ACBD6: variants seen among roughly 807,000 people sequenced by gnomAD.
ACBD6 encodes acyl-CoA binding domain containing 6.
A neutral mutation model predicts 37.2 loss-of-function variants in ACBD6; 28 were observed. The observed-to-expected ratio is 0.75, with a 90% CI of 0.56 to 1.03. The LOEUF is 1.03. Among genes scored for constraint, ACBD6 ranks in the 50% least tolerant of loss-of-function variants. The probability of loss-of-function intolerance (pLI) is 0.00; values close to 1 mark genes in which losing one functional copy is unlikely to be tolerated. For missense variants in ACBD6, 340 were observed against 337.4 expected (o/e 1.01, Z -0.06); for synonymous variants, 113 against 126.8 (o/e 0.89, Z 0.73).
chr1:180,443,305 T>G (rs1038545913), intron 3 of ACBD6, among the ~76,000 whole-genome samples: 2 of 152,168 alleles, frequency 1.3e-5, no homozygotes, highest in Non-Finnish European at 2.9e-5. Context: ...TCCTGACTGG[T>G]AGGAAACAAA....
At chr1:180,359,361 G>GC (rs1025248529) in intron 6 of ACBD6, among the ~76,000 whole-genome samples, 1 of 151,206 alleles carries the variant, frequency 6.6e-6, no homozygotes, top group Non-Finnish European at 1.5e-5. Flanking sequence ...ATTTTTTTTG[G>GC]CCCCCCTCTA....
intron 6 of ACBD6, among the ~76,000 whole-genome samples, chr1:180,321,100 T>C (rs1558248640): frequency 6.6e-6 from 1 of 152,204 alleles, no homozygotes; most frequent in Non-Finnish European, 1.5e-5. Context: ...GGGTTCACTA[T>C]AGGTGTATAG....
chr1:180,293,100 G>A (rs1571324303), intron 7 of ACBD6, among the ~76,000 whole-genome samples: 1 of 151,980 alleles, frequency 6.6e-6, no homozygotes, highest in African/African-American at 2.4e-5. Context: ...TAACCTTTTT[G>A]TATTTACTAG....
chr1:180,488,147 G>T (rs1268701540), intron 3 of ACBD6, among the ~76,000 whole-genome samples: 1 of 151,968 alleles, frequency 6.6e-6, no homozygotes, highest in African/African-American at 2.4e-5. Context: ...TATGTGTAAA[G>T]AAAGAGAATG....
At chr1:180,361,572 G>A (rs1387864439) in intron 6 of ACBD6, among the ~76,000 whole-genome samples, 4 of 151,202 alleles carry the variant, frequency 2.6e-5, no homozygotes, top group South Asian at 2.1e-4. Flanking sequence ...AATTTCTTAC[G>A]GGATTTGGTC....
At chr1:180,396,270 C>A (rs936726629) in intron 6 of ACBD6, among the ~76,000 whole-genome samples, 4 of 152,068 alleles carry the variant, frequency 2.6e-5, no homozygotes, top group Non-Finnish European at 5.9e-5. Context: ...CATAACTATA[C>A]ACTTAAAATT....
intron 6 of ACBD6, among the ~76,000 whole-genome samples, chr1:180,360,896 C>T (rs1652821436): frequency 6.6e-6 from 1 of 152,046 alleles, no homozygotes; most frequent in Admixed American, 6.6e-5. Flanking sequence ...TTTCCATCAA[C>T]GGATGTGTTG....
chr1:180,494,231 T>A (rs1328881828), intron 2 of ACBD6, among the ~76,000 whole-genome samples: 1 of 152,216 alleles, frequency 6.6e-6, no homozygotes, highest in Non-Finnish European at 1.5e-5. Flanking sequence ...TTCGTTGATG[T>A]TCTTGCATAA....
At chr1:180,383,339 C>T (rs765751163) in intron 6 of ACBD6, among the ~76,000 whole-genome samples, 1 of 152,058 alleles carries the variant, frequency 6.6e-6, no homozygotes, top group Non-Finnish European at 1.5e-5. Context: ...CAAATTCAGT[C>T]GAGTTGAATA....
At chr1:180,474,357 C>T (rs1490637213) in intron 3 of ACBD6, among the ~76,000 whole-genome samples, 2 of 151,974 alleles carry the variant, frequency 1.3e-5, no homozygotes, top group African/African-American at 4.8e-5. Flanking sequence ...AAAGGGTATG[C>T]AGCCCTAGAA....
At chr1:180,321,275 G>C (rs1370218388) in intron 6 of ACBD6, among the ~76,000 whole-genome samples, 1 of 152,090 alleles carries the variant, frequency 6.6e-6, no homozygotes, top group Admixed American at 6.5e-5. Flanking sequence ...GCTATACTGG[G>C]TCTTTTGTAG....
intron 3 of ACBD6, among the ~76,000 whole-genome samples, chr1:180,436,464 T>C (rs1286261328): frequency 1.3e-5 from 2 of 152,200 alleles, no homozygotes; most frequent in African/African-American, 2.4e-5. Flanking sequence ...CACGATTCTT[T>C]TGTGCCATTT....
At chr1:180,459,789 G>A (rs1358633631) in intron 3 of ACBD6, among the ~76,000 whole-genome samples, 3 of 152,030 alleles carry the variant, frequency 2.0e-5, no homozygotes, top group Non-Finnish European at 4.4e-5. Context: ...TACACATCCA[G>A]ATATATACTC....
intron 6 of ACBD6, among the ~76,000 whole-genome samples, chr1:180,335,225 T>C (rs1651653743): frequency 6.6e-6 from 1 of 151,886 alleles, no homozygotes; most frequent in Admixed American, 6.6e-5. Context: ...TCACCAAAGT[T>C]GAAATGAAGG....
chr1:180,316,580 T>C (rs532646742), intron 6 of ACBD6, among the ~76,000 whole-genome samples: 13 of 152,192 alleles, frequency 8.5e-5, no homozygotes, highest in Non-Finnish European at 1.8e-4. Context: ...TGTTCATATA[T>C]ACTTAAAGTT....
At chr1:180,326,655 C>G (rs1260769506) in intron 6 of ACBD6, 1 of 152,286 alleles carries the variant, frequency 6.6e-6, no homozygotes, top group Non-Finnish European at 1.5e-5. Context: ...TGGGAATGTG[C>G]TGGGTCTCAC....
chr1:180,478,149 C>T (rs193171373), intron 3 of ACBD6, among the ~76,000 whole-genome samples: 4 of 151,994 alleles, frequency 2.6e-5, no homozygotes, highest in Admixed American at 6.5e-5. Flanking sequence ...CCCAAAAGTA[C>T]ATCATTTTGG....
Position 180,318,163 on chromosome 1 carries a change from GC to G in ACBD6, c.664-3442del, listed in dbSNP as rs1553291888. On this transcript the variant is annotated intron_variant, in intron 6 of 7. Transcript: ENST00000367595. ...GGTGACAGAGTAAGATTCCATCTCC[GC>G]CCCCCCCCCCCAAAAAAAAAAGAAA... Among the ~76,000 whole-genome samples, 234 of 31,402 alleles carry G rather than the reference GC, an allele frequency of 7.5e-3. 5 individuals carry two copies. Among genetic ancestry groups the G allele is most frequent in the African/African-American group, 0.029 (179 of 6,124 alleles). 20.6% of individuals were successfully genotyped at this position (31,402 alleles called of 152,430 possible).
At chr1:180,428,970 A>G (rs562046543) in intron 4 of ACBD6, among the ~76,000 whole-genome samples, 12 of 152,284 alleles carry the variant, frequency 7.9e-5, no homozygotes, top group African/African-American at 2.9e-4. Context: ...AGCAATAGTC[A>G]CTAAACTATC....
Sources: allele counts gnomAD v4.1 joint callset (sites outside exome capture counted in the v4.1 genomes callset), GRCh38; gene constraint gnomAD v4.1.1; transcripts MANE v1.5; gene names NCBI Gene and HGNC (gene_info 2026-07-23, HGNC 2026-07-21).